The following HS6ST3 variants were observed in gnomAD, a reference collection of about 807,000 sequenced individuals.
HS6ST3 encodes heparan-sulfate 6-O-sulfotransferase 3.
In HS6ST3, 12 loss-of-function variants were observed where a neutral mutation model predicts 36.7. That is an observed-to-expected ratio of 0.33 (90% confidence interval 0.21 to 0.53). HS6ST3 has a LOEUF of 0.53. Ranked by LOEUF, HS6ST3 falls within the 20% of genes least tolerant of loss-of-function variation. HS6ST3 has a pLI of 0.95. For missense variants in HS6ST3, 584 were observed against 640.9 expected, an observed-to-expected ratio of 0.91 and a Z score of 0.96; for synonymous variants, 240 against 257.5, an observed-to-expected ratio of 0.93 and a Z score of 0.65.
intron 1 of HS6ST3, among the ~76,000 whole-genome samples, chr13:96,355,405 A>AACACACACG (rs2055205389): frequency 2.2e-5 from 3 of 137,144 alleles, no homozygotes; most frequent in Non-Finnish European, 4.7e-5. Context: ...ACACACACAA[A>AACACACACG]CACACAAACA....
At chr13:96,393,269 T>C (rs1424652788) in intron 1 of HS6ST3, among the ~76,000 whole-genome samples, 1 of 152,080 alleles carries the variant, frequency 6.6e-6, no homozygotes, top group Non-Finnish European at 1.5e-5. Flanking sequence ...ACTAATACAC[T>C]GGGCTTGCTG....
At chr13:96,749,515 GT>G (rs1876647150) in intron 1 of HS6ST3, among the ~76,000 whole-genome samples, 1 of 152,094 alleles carries the variant, frequency 6.6e-6, no homozygotes, top group Non-Finnish European at 1.5e-5. Flanking sequence ...ACGTTCATGA[GT>G]GTTCACCTAG....
chr13:96,791,705 T>C (rs1327109767), intron 1 of HS6ST3, among the ~76,000 whole-genome samples: 3 of 152,116 alleles, frequency 2.0e-5, no homozygotes, highest in Non-Finnish European at 4.4e-5. Context: ...TCTTCCTTTG[T>C]TTGCCCTTCT....
At chr13:96,505,082 A>G (rs1285882726) in intron 1 of HS6ST3, among the ~76,000 whole-genome samples, 2 of 152,142 alleles carry the variant, frequency 1.3e-5, no homozygotes, top group Non-Finnish European at 2.9e-5. Context: ...AACATAATGG[A>G]AACATTTCCA....
intron 1 of HS6ST3, among the ~76,000 whole-genome samples, chr13:96,365,562 A>G (rs2139437867): frequency 6.6e-6 from 1 of 152,186 alleles, no homozygotes; most frequent in East Asian, 1.9e-4. Flanking sequence ...GTTTAAAATC[A>G]TACTTGTTAT....
At chr13:96,829,109 C>G (rs1878712183) in intron 1 of HS6ST3, among the ~76,000 whole-genome samples, 1 of 152,030 alleles carries the variant, frequency 6.6e-6, no homozygotes, top group South Asian at 2.1e-4. Flanking sequence ...GCATCATTTT[C>G]TTTTTCCTTT....
At chr13:96,466,359 T>G (rs1319953684) in intron 1 of HS6ST3, among the ~76,000 whole-genome samples, 1 of 152,228 alleles carries the variant, frequency 6.6e-6, no homozygotes, top group African/African-American at 2.4e-5. Context: ...GTCACCATGT[T>G]GTAGATTAGA....
chr13:96,280,371 C>T (rs948948930), intron 1 of HS6ST3, among the ~76,000 whole-genome samples: 1 of 151,848 alleles, frequency 6.6e-6, no homozygotes, highest in African/African-American at 2.4e-5. Flanking sequence ...CTCCATTCTA[C>T]GTTTATTATT....
intron 1 of HS6ST3, among the ~76,000 whole-genome samples, chr13:96,502,929 C>T (rs948968256): frequency 2.0e-5 from 3 of 152,148 alleles, no homozygotes; most frequent in Non-Finnish European, 4.4e-5. Flanking sequence ...ATAGGGTGGT[C>T]ACACTGGTGT....
At chr13:96,616,360 A>G (rs532155639) in intron 1 of HS6ST3, among the ~76,000 whole-genome samples, 34 of 152,354 alleles carry the variant, frequency 2.2e-4, no homozygotes, top group African/African-American at 7.9e-4. Context: ...TGGATTAAAG[A>G]TTACATTTTA....
chr13:96,780,163 A>T (rs1001563473), intron 1 of HS6ST3, among the ~76,000 whole-genome samples: 4 of 152,202 alleles, frequency 2.6e-5, no homozygotes, highest in Non-Finnish European at 5.9e-5. Flanking sequence ...AACAGGTATC[A>T]GAGACTCAGA....
At chr13:96,587,594 G>A (rs577261724) in intron 1 of HS6ST3, among the ~76,000 whole-genome samples, 78 of 152,334 alleles carry the variant, frequency 5.1e-4, no homozygotes, top group African/African-American at 1.6e-3. Flanking sequence ...CTGGAAGCAT[G>A]CCAAGATGAG....
intron 1 of HS6ST3, among the ~76,000 whole-genome samples, chr13:96,820,558 T>A (rs1231814260): frequency 1.3e-5 from 2 of 152,208 alleles, no homozygotes; most frequent in Non-Finnish European, 2.9e-5. Context: ...ATTCAATAAT[T>A]CCCACAACCC....
chr13:96,691,797 T>C (rs1364811788), intron 1 of HS6ST3, among the ~76,000 whole-genome samples: 1 of 152,140 alleles, frequency 6.6e-6, no homozygotes, highest in Non-Finnish European at 1.5e-5. Context: ...TGCTCTTAGC[T>C]AGCTCTTAAT....
chr13:96,105,649 C>T (rs2053838230), intron 1 of HS6ST3, among the ~76,000 whole-genome samples: 1 of 151,412 alleles, frequency 6.6e-6, no homozygotes, highest in African/African-American at 2.4e-5. Flanking sequence ...ATTTCTGTCT[C>T]AAAAATAAAA....
intron 1 of HS6ST3, among the ~76,000 whole-genome samples, chr13:96,302,767 A>G (rs1328161296): frequency 1.3e-5 from 2 of 152,168 alleles, no homozygotes. Flanking sequence ...TTGAGATATA[A>G]TAAGTGTGAT....
rs77288317 is a variant in HS6ST3 at position 96,659,655 on chromosome 13, A to T, written c.708-172835A>T. 2.5e-3 allele frequency among the ~76,000 whole-genome samples: 379 copies of T among 152,158 alleles called. 1 individual carries two copies. The highest frequency in any genetic ancestry group is 8.8e-3 in the African/African-American group (365 of 41,548). On this transcript the variant is annotated intron_variant, in intron 1 of 1. Coordinates refer to ENST00000376705, the MANE Select transcript of HS6ST3 (RefSeq NM_153456.4). ...AATTTTGATTCATCATCCATCTCAC[A>T]TTAATTTTTAAAATATAGTATGAAA...
At chr13:96,780,873 A>G (rs1877508099) in intron 1 of HS6ST3, among the ~76,000 whole-genome samples, 1 of 151,964 alleles carries the variant, frequency 6.6e-6, no homozygotes, top group South Asian at 2.1e-4. Context: ...AGTGTGAGGA[A>G]GGATAAATTT....
At chr13:96,280,258 A>G (rs1485563897) in intron 1 of HS6ST3, among the ~76,000 whole-genome samples, 1 of 152,024 alleles carries the variant, frequency 6.6e-6, no homozygotes, top group Non-Finnish European at 1.5e-5. Context: ...GAAATGAGCC[A>G]TTTCTTCTTG....
Sources: allele counts gnomAD v4.1 joint callset (sites outside exome capture counted in the v4.1 genomes callset), GRCh38; gene constraint gnomAD v4.1.1; transcripts MANE v1.5; gene names NCBI Gene and HGNC (gene_info 2026-07-23, HGNC 2026-07-21).